The following PAX9 variants were observed in gnomAD, a reference collection of about 807,000 sequenced individuals.
The protein encoded by PAX9 is paired box protein Pax-9.
A neutral mutation model predicts 29.1 loss-of-function variants in PAX9; 6 were observed. That is an observed-to-expected ratio of 0.21 (90% CI 0.11 to 0.41). PAX9 has a LOEUF of 0.41. PAX9 is among the 10% of genes least tolerant of loss of function. The pLI is 1.00. For missense variants in PAX9, 443 were observed against 479.1 expected (o/e 0.92, Z 0.70); for synonymous variants, 217 against 211.7 (o/e 1.03, Z -0.22).
chr14:36,658,055 G>T (rs1399706890), upstream of PAX9, among the ~76,000 whole-genome samples: 1 of 152,072 alleles, frequency 6.6e-6, no homozygotes, highest in Admixed American at 6.5e-5. Flanking sequence ...ACCCTCCCTC[G>T]CCCTGGGCGC....
upstream of PAX9, among the ~76,000 whole-genome samples, chr14:36,660,874 A>T (rs1020755656): frequency 6.6e-6 from 1 of 152,280 alleles, no homozygotes; most frequent in Non-Finnish European, 1.5e-5. Flanking sequence ...GTGAAAATTC[A>T]GAAGTAGGCA....
upstream of PAX9, chr14:36,661,858 T>TCAGCC (rs1881280686): frequency 1.6e-6 from 1 of 619,604 alleles, no homozygotes; most frequent in African/African-American, 1.8e-5. Flanking sequence ...CCTGCCCTGC[T>TCAGCC]CAGCCCAGCC....
At chr14:36,671,640 G>C (rs1457566911) in intron 3 of PAX9, among the ~76,000 whole-genome samples, 1 of 152,076 alleles carries the variant, frequency 6.6e-6, no homozygotes, top group African/African-American at 2.4e-5. Context: ...GATGATTAAG[G>C]CAAGTCCCTG....
upstream of PAX9, chr14:36,658,722 G>T (rs949723294): frequency 5.3e-5 from 8 of 152,286 alleles, no homozygotes; most frequent in Non-Finnish European, 8.8e-5. Flanking sequence ...CTCTAGCGCC[G>T]GGAAGGGGGC....
chr14:36,664,436 C>T (rs980572052), intron 2 of PAX9, among the ~76,000 whole-genome samples: 17 of 152,184 alleles, frequency 1.1e-4, no homozygotes. Flanking sequence ...TGCCACCCCA[C>T]TGTTTCTTTC....
chr14:36,663,102 C>A lies in PAX9; in HGVS notation c.210C>A (p.Ala70=), dbSNP rs372642425. 3 of 1,613,988 alleles carry A rather than the reference C, an allele frequency of 1.9e-6. No homozygotes were observed. In the South Asian group the frequency reaches 3.3e-5, roughly 18 times the overall value. ...AGACGGGCTCGATCTTGCCAGGAGC[C>A]ATCGGGGGCAGCAAGCCCCGGGTCA... The part of the protein sequence containing the change: ...YNETGSILPG[A]IGGSKPRVTT... Residue 70 remains alanine (A), a synonymous_variant, in exon 2 of 4, where the codon GCC becomes GCA. Coordinates refer to ENST00000361487, the MANE Select transcript of PAX9 (RefSeq NM_001372076.1).
intron 1 of PAX9, chr14:36,662,590 G>A (rs1031335050): frequency 6.0e-6 from 3 of 499,240 alleles, no homozygotes; most frequent in African/African-American, 1.9e-5. Context: ...ACGTTCAGGC[G>A]TCAAGACCGA....
chr14:36,664,258 G>A (rs1391169116), intron 2 of PAX9, among the ~76,000 whole-genome samples: 2 of 152,166 alleles, frequency 1.3e-5, no homozygotes, highest in African/African-American at 4.8e-5. Context: ...AAGGGAAGTG[G>A]CATCAGCCAC....
chr14:36,666,545 C>A lies in PAX9; in HGVS notation c.715C>A (p.His239Asn), dbSNP rs1165096156. Residue 239 changes from histidine to asparagine, a missense_variant, in exon 3 of 4, where the codon CAC becomes AAC. By Grantham distance (68) the His-to-Asn change is moderately conservative (BLOSUM62 1). Transcript: ENST00000361487. ...GRNNFPAAAP[H>N]AVNGLEKGAL... ...CAACAACTTCCCCGCCGCCGCCCCG[C>A]ACGCGGTGAACGGGTTGGAGAAGGG... The A allele has an allele frequency of 3.8e-6, 6 of 1,590,186 alleles. No homozygotes were observed. The highest frequency in any genetic ancestry group is 2.3e-5 in the East Asian group (1 of 43,542).
Position 36,671,774 on chromosome 14 carries a change from G to C in PAX9, c.772-4424G>C, listed in dbSNP as rs75973401. Among the ~76,000 whole-genome samples the C allele has an allele frequency of 3.5e-3, 527 of 152,208 alleles. 10 individuals carry two copies. The highest frequency in any genetic ancestry group is 0.021 in the East Asian group (107 of 5,182). On this transcript the variant is annotated intron_variant, in intron 3 of 3. Transcript: ENST00000361487. ...TTTGGAACAAACGAAATTAAAACTTGTACTTTCATTCTTCTTGTGATAACC... is the reference window on the plus strand; with the variant it reads ...TTTGGAACAAACGAAATTAAAACTTCTACTTTCATTCTTCTTGTGATAACC...
chr14:36,665,259 A>C (rs1244744328), intron 2 of PAX9, among the ~76,000 whole-genome samples: 2 of 152,052 alleles, frequency 1.3e-5, no homozygotes, highest in African/African-American at 4.8e-5. Context: ...TCAGTTGGGA[A>C]AGTATTGGAG....
At chr14:36,667,565 T>A (rs576367459) in intron 3 of PAX9, among the ~76,000 whole-genome samples, 1 of 152,356 alleles carries the variant, frequency 6.6e-6, no homozygotes, top group South Asian at 2.1e-4. Flanking sequence ...TTAAAATTTT[T>A]AATGCTTTTT....
chr14:36,661,535 C>G (rs188399036), upstream of PAX9, among the ~76,000 whole-genome samples: 33 of 152,332 alleles, frequency 2.2e-4, no homozygotes, highest in East Asian at 6.4e-3. Flanking sequence ...AGATGTCCAT[C>G]GTTCCCCGGA....
chr14:36,667,874 T>C lies in PAX9; in HGVS notation c.771+1273T>C, dbSNP rs139964787. Reference sequence around the variant, plus strand: ...TAAACGACCCACCCTTAATTCGTAATTTGCAAAGAAAAGGCAGAATAGTAC... The same window carrying C: ...TAAACGACCCACCCTTAATTCGTAACTTGCAAAGAAAAGGCAGAATAGTAC... On this transcript the variant is annotated intron_variant, in intron 3 of 3. Transcript: ENST00000361487. Among the ~76,000 whole-genome samples the C allele has an allele frequency of 1.7e-3, 260 of 152,338 alleles. 5 individuals carry two copies. The highest frequency in any genetic ancestry group is 6.0e-3 in the African/African-American group (248 of 41,572).
upstream of PAX9, chr14:36,661,753 G>C (rs1011850701): frequency 6.7e-6 from 3 of 445,362 alleles, no homozygotes; most frequent in Non-Finnish European, 1.2e-5. Flanking sequence ...CCTGGACTGC[G>C]CTGTCGCTCA....
chr14:36,666,948 TG>T (rs962651278), intron 3 of PAX9, among the ~76,000 whole-genome samples: 13 of 151,960 alleles, frequency 8.6e-5, no homozygotes, highest in Non-Finnish European at 1.9e-4. Flanking sequence ...CGGCTCTCGT[TG>T]GGGGTAGAGT....
At chr14:36,659,370 G>C (rs1470027565), upstream of PAX9, among the ~76,000 whole-genome samples, 1 of 152,112 alleles carries the variant, frequency 6.6e-6, no homozygotes, top group African/African-American at 2.4e-5. Flanking sequence ...TCAGCGGGTC[G>C]CTGACTACCT....
rs1881328322 is a variant in PAX9, at chr14:36,662,781, G to A, written c.5-116G>A. The A allele has an allele frequency of 4.7e-6, 6 of 1,272,602 alleles. No individual in the cohort carries two copies. In the South Asian group the frequency reaches 5.4e-5, roughly 11 times the overall value. The allele number at this position is 1,272,602 out of a possible 1,614,324, so 78.8% of individuals were successfully genotyped here. On this transcript the variant is annotated intron_variant, in intron 1 of 3. Coordinates refer to ENST00000361487, the MANE Select transcript of PAX9 (RefSeq NM_001372076.1). Reference sequence around the variant, plus strand: ...ATATGGTTTGGGGACAGCCCCAGTAGTTAGTAGGGGACGGGTGCGTTCGCC... The same window carrying A: ...ATATGGTTTGGGGACAGCCCCAGTAATTAGTAGGGGACGGGTGCGTTCGCC...
chr14:36,676,879 TATAGA>T lies in PAX9; in HGVS notation c.*429_*433del, dbSNP rs1230781111. 1 of 221,304 alleles carries T rather than the reference TATAGA, an allele frequency of 4.5e-6. No homozygotes were observed. Among genetic ancestry groups the T allele is most frequent in the Non-Finnish European group, 9.1e-6 (1 of 109,372 alleles). 13.7% of individuals were successfully genotyped at this position (221,304 alleles called of 1,614,324 possible). A position where few individuals can be genotyped will look rare whatever the true frequency, so the allele number is the denominator to read the frequency against. On this transcript the variant is annotated 3_prime_UTR_variant, in exon 4 of 4. Coordinates refer to ENST00000361487, the MANE Select transcript of PAX9 (RefSeq NM_001372076.1). ...TGCAAAATCAATAAAGGAAAATACT[TATAGA>T]AAAAATTATGCTACACCCTCTAATC... is the stretch of plus-strand genomic sequence containing the variant.
Sources: gnomAD v4.1 joint callset for allele counts (sites outside exome capture counted in the v4.1 genomes callset) on GRCh38, gnomAD v4.1.1 for gene constraint, MANE v1.5 for transcripts, NCBI Gene and HGNC (gene_info 2026-07-23, HGNC 2026-07-21) for gene names.